Variants in CADPS2 observed in about 807,000 individuals in gnomAD.
CADPS2 encodes calcium dependent secretion activator 2.
CADPS2 carries 93 observed loss-of-function variants against 172.5 expected under a neutral mutation model. The ratio of observed to expected loss-of-function variants is 0.54; its 90% CI spans 0.46 to 0.64. CADPS2 has a LOEUF of 0.64. Ranked by LOEUF, CADPS2 falls within the 30% of genes least tolerant of loss-of-function variation. The probability of loss-of-function intolerance (pLI) is 0.00; values close to 1 mark genes in which losing one functional copy is unlikely to be tolerated. For missense variants in CADPS2, 1,420 were observed against 1,565.9 expected (o/e 0.91, Z 1.57); for synonymous variants, 546 against 555.2 (o/e 0.98, Z 0.23).
intron 1 of CADPS2, among the ~76,000 whole-genome samples, chr7:122,794,259 C>T (rs1795898365): frequency 6.6e-6 from 1 of 151,724 alleles, no homozygotes; most frequent in Non-Finnish European, 1.5e-5. Context: ...GATTTAGTCT[C>T]CTTATATAAT....
intron 1 of CADPS2, among the ~76,000 whole-genome samples, chr7:122,788,108 T>C (rs1794467643): frequency 1.3e-5 from 2 of 152,154 alleles, no homozygotes; most frequent in Non-Finnish European, 2.9e-5. Flanking sequence ...GGCTGGAGAA[T>C]AACAGAAACA....
Position 122,387,164 on chromosome 7 carries a change from A to G in CADPS2, c.3174T>C (p.Thr1058=). ...CCTTTTGTAGCTTGAGTTCAAATGCAGTTCTTGTTCTAGTTTTTAAAACAT... is the reference window on the plus strand; with the variant it reads ...CCTTTTGTAGCTTGAGTTCAAATGCGGTTCTTGTTCTAGTTTTTAAAACAT... ...MLEACVKRTR[T]AFELKLQKAS... The change falls in exon 24 of 30, where the codon ACT becomes ACC. Residue 1058 remains threonine (T), a synonymous_variant. Coordinates refer to ENST00000449022, the MANE Select transcript of CADPS2 (RefSeq NM_017954.11). 1 of 1,579,068 alleles carries G rather than the reference A, an allele frequency of 6.3e-7. No individual in the cohort carries two copies. Among genetic ancestry groups the G allele is most frequent in the Non-Finnish European group, 8.6e-7 (1 of 1,160,224 alleles).
At chr7:122,832,161 T>C (rs774367023) in intron 1 of CADPS2, among the ~76,000 whole-genome samples, 1 of 152,154 alleles carries the variant, frequency 6.6e-6, no homozygotes, top group African/African-American at 2.4e-5. Context: ...TGAACAAACA[T>C]TTAAATAAAT....
intron 23 of CADPS2, 141 bp from the exon 24 acceptor site, chr7:122,387,314 A>G: frequency 1.3e-6 from 1 of 747,040 alleles, no homozygotes; most frequent in Admixed American, 3.0e-5. Flanking sequence ...CTTGGGAGCT[A>G]AGGGGTGGGA....
At chr7:122,583,004 T>C (rs1326472124) in intron 6 of CADPS2, among the ~76,000 whole-genome samples, 4 of 151,970 alleles carry the variant, frequency 2.6e-5, no homozygotes, top group Admixed American at 1.3e-4. Flanking sequence ...GTGAACTTTG[T>C]CTTTGAACCT....
At chr7:122,617,054 T>C (rs1463252988) in intron 5 of CADPS2, among the ~76,000 whole-genome samples, 1 of 152,200 alleles carries the variant, frequency 6.6e-6, no homozygotes, top group Non-Finnish European at 1.5e-5. Flanking sequence ...TTGTTGACAC[T>C]GCATCTCTTT....
At chr7:122,571,157 A>C (rs1165602808) in intron 7 of CADPS2, among the ~76,000 whole-genome samples, 2 of 152,150 alleles carry the variant, frequency 1.3e-5, no homozygotes, top group Non-Finnish European at 2.9e-5. Flanking sequence ...AAAAATGAGA[A>C]AACAAGCAAC....
chr7:122,738,407 T>C (rs959115829), intron 1 of CADPS2, among the ~76,000 whole-genome samples: 2 of 152,062 alleles, frequency 1.3e-5, no homozygotes, highest in Admixed American at 1.3e-4. Flanking sequence ...AGAAGCTTTT[T>C]TTTTTTTTAT....
chr7:122,766,478 C>T (rs975488572), intron 1 of CADPS2, among the ~76,000 whole-genome samples: 1 of 152,060 alleles, frequency 6.6e-6, no homozygotes, highest in Non-Finnish European at 1.5e-5. Flanking sequence ...CCATTTAGTT[C>T]ACTCCCCACA....
chr7:122,778,113 C>T (rs1339527713), intron 1 of CADPS2, among the ~76,000 whole-genome samples: 1 of 152,050 alleles, frequency 6.6e-6, no homozygotes, highest in African/African-American at 2.4e-5. Flanking sequence ...GACCAAAATG[C>T]TGATAGTGAT....
In CADPS2 at chr7:122,414,078, TG is replaced by T; in HGVS notation, c.2581-3del. ...AATCATTTTACTCACCTCTCTTCCCTGAGGGTTTCCAAGAATTTGGAAGCAT... is the reference window on the plus strand; with the variant it reads ...AATCATTTTACTCACCTCTCTTCCCTAGGGTTTCCAAGAATTTGGAAGCAT... On this transcript the variant is annotated splice_region_variant and splice_polypyrimidine_tract_variant and intron_variant, in intron 18 of 29. Transcript: ENST00000449022. The T allele has an allele frequency of 6.5e-7, 1 of 1,536,472 alleles. No homozygotes were observed. Among genetic ancestry groups the T allele is most frequent in the South Asian group, 1.2e-5 (1 of 81,204 alleles).
chr7:122,620,555 T>C (rs2075481275), intron 5 of CADPS2, among the ~76,000 whole-genome samples: 1 of 152,192 alleles, frequency 6.6e-6, no homozygotes, highest in Non-Finnish European at 1.5e-5. Flanking sequence ...AGAGTATTAG[T>C]CTTTGGTTCC....
chr7:122,717,301 C>T (rs750929703), intron 2 of CADPS2, among the ~76,000 whole-genome samples: 2 of 152,072 alleles, frequency 1.3e-5, no homozygotes, highest in African/African-American at 2.4e-5. Flanking sequence ...GTAGCAATGC[C>T]TGAGTAGTCT....
At chr7:122,572,816 T>C (rs975760846) in intron 7 of CADPS2, among the ~76,000 whole-genome samples, 1 of 152,150 alleles carries the variant, frequency 6.6e-6, no homozygotes, top group African/African-American at 2.4e-5. Context: ...TAATCATAAT[T>C]GTTTCCTGAG....
intron 1 of CADPS2, among the ~76,000 whole-genome samples, chr7:122,826,381 A>G (rs1804881214): frequency 6.6e-6 from 1 of 152,234 alleles, no homozygotes; most frequent in Non-Finnish European, 1.5e-5. Context: ...GTCTCATAAC[A>G]TAATACAAAA....
chr7:122,729,676 G>GTTTTTTTTTTTTTTT (rs56993717), intron 2 of CADPS2, among the ~76,000 whole-genome samples: 3 of 94,240 alleles, frequency 3.2e-5, no homozygotes, highest in African/African-American at 4.2e-5. Context: ...ATTTTTAACG[G>GTTTTTTTTTTTTTTT]TTTTTTTTTT....
chr7:122,480,274 C>T, intron 12 of CADPS2: 1 of 258,768 alleles, frequency 3.9e-6, no homozygotes. Context: ...ATAAGGTTGT[C>T]TTCCAGTAAG....
intron 1 of CADPS2, among the ~76,000 whole-genome samples, chr7:122,761,354 G>A (rs1190816767): frequency 6.6e-6 from 1 of 152,048 alleles, no homozygotes; most frequent in Non-Finnish European, 1.5e-5. Context: ...AAGCCCACAA[G>A]ATGAAAAAAT....
chr7:122,782,083 AAAT>A (rs1336155528), intron 1 of CADPS2, among the ~76,000 whole-genome samples: 2 of 152,184 alleles, frequency 1.3e-5, no homozygotes, highest in Non-Finnish European at 2.9e-5. Context: ...ATATTATTCT[AAAT>A]AATTATTTAC....
Sources: allele counts gnomAD v4.1 joint callset (sites outside exome capture counted in the v4.1 genomes callset), GRCh38; gene constraint gnomAD v4.1.1; transcripts MANE v1.5; gene names NCBI Gene and HGNC (gene_info 2026-07-23, HGNC 2026-07-21).